Variants in SHROOM4 observed in about 807,000 individuals in gnomAD.
SHROOM4 encodes the protein protein Shroom4.
SHROOM4 carries 17 observed loss-of-function variants against 80.3 expected under a neutral mutation model. The observed-to-expected ratio is 0.21, with a 90% CI of 0.14 to 0.32. SHROOM4 has a LOEUF of 0.32. SHROOM4 is among the 10% of genes least tolerant of loss of function. The pLI is 1.00. For missense variants in SHROOM4, 993 were observed against 1,140.3 expected, an observed-to-expected ratio of 0.87 and a Z score of 1.86; for synonymous variants, 400 against 437.5, an observed-to-expected ratio of 0.91 and a Z score of 1.07.
At chrX:50,661,776 T>TAA in intron 2 of SHROOM4, among the ~76,000 whole-genome samples, 1 of 112,057 alleles carries the variant, frequency 8.9e-6, no homozygotes, top group East Asian at 2.8e-4. Context: ...TTTGGGCATG[T>TAA]TGGATTGTAA....
chrX:50,591,481 G>A lies in SHROOM4; in HGVS notation c.*5214C>T, dbSNP rs1425108833. On this transcript the variant is annotated 3_prime_UTR_variant, in exon 9 of 9. Transcript: ENST00000376020. ...TGGATTGAATCTGTAGATCAATTTGGGGCACATTTCATCTTAACAATACTA... is the reference window on the plus strand; with the variant it reads ...TGGATTGAATCTGTAGATCAATTTGAGGCACATTTCATCTTAACAATACTA... Among the ~76,000 whole-genome samples, 1 of 111,700 alleles carries A rather than the reference G, an allele frequency of 9.0e-6. No homozygotes were observed. The highest frequency in any genetic ancestry group is 1.9e-5 in the Non-Finnish European group (1 of 53,149).
intron 2 of SHROOM4, among the ~76,000 whole-genome samples, chrX:50,645,384 C>T (rs1413888247): frequency 2.7e-5 from 3 of 112,261 alleles, no homozygotes; most frequent in South Asian, 3.7e-4. Flanking sequence ...CCCATGCAAA[C>T]GCTTGCCTGA....
chrX:50,783,065 T>C (rs1219394727), intron 1 of SHROOM4, among the ~76,000 whole-genome samples: 2 of 111,863 alleles, frequency 1.8e-5, no homozygotes, highest in African/African-American at 6.5e-5. Flanking sequence ...TGAGAAGTTA[T>C]ATAACATCCA....
intron 2 of SHROOM4, among the ~76,000 whole-genome samples, chrX:50,693,657 A>G (rs1933284246): frequency 9.2e-6 from 1 of 108,758 alleles, no homozygotes; most frequent in African/African-American, 3.3e-5. Flanking sequence ...TGATACATAC[A>G]TATAATGTGT....
rs1928985329 is a variant in SHROOM4 at position 50,593,904 on chromosome X, G to A, written c.*2791C>T. On this transcript the variant is annotated 3_prime_UTR_variant, in exon 9 of 9. Transcript: ENST00000376020. The stretch of plus-strand genomic sequence containing the variant: ...GTCAGATTCTACTTGGGCATTTACA[G>A]CTATATCCTGGTTGAGTCTCCAGCT... The A allele has an allele frequency of 8.9e-6, 1 of 111,999 alleles. No homozygotes were observed. The highest frequency in any genetic ancestry group is 9.5e-5 in the Admixed American group (1 of 10,568). 9.2% of individuals were successfully genotyped at this position (111,999 alleles called of 1,213,427 possible).
At chrX:50,794,398 G>C (rs1220838766) in intron 1 of SHROOM4, among the ~76,000 whole-genome samples, 1 of 110,815 alleles carries the variant, frequency 9.0e-6, no homozygotes, top group Non-Finnish European at 1.9e-5. Context: ...CACTCGAACA[G>C]AGAGCTTGGC....
chrX:50,642,163 C>A lies in SHROOM4; in HGVS notation c.270-3855G>T, dbSNP rs182973254. On this transcript the variant is annotated intron_variant, in intron 2 of 8. Transcript: ENST00000376020. ...GCCCTAGACTTGAAGTCAGTCTACA[C>A]TTGCATTCAAACTGTAGTTGTGTGG... Among the ~76,000 whole-genome samples the A allele has an allele frequency of 1.7e-3, 191 of 112,632 alleles. 1 individual carries two copies. Among genetic ancestry groups the A allele is most frequent in the Admixed American group, 0.011 (114 of 10,709 alleles).
intron 1 of SHROOM4, among the ~76,000 whole-genome samples, chrX:50,801,307 A>C (rs1306079739): frequency 1.1e-5 from 1 of 90,085 alleles, no homozygotes; most frequent in Non-Finnish European, 2.2e-5. Context: ...TACTGCCAGC[A>C]TGGGGCAAAA....
intron 1 of SHROOM4, among the ~76,000 whole-genome samples, chrX:50,715,746 A>G (rs1415191436): frequency 9.0e-6 from 1 of 110,590 alleles, no homozygotes; most frequent in Non-Finnish European, 1.9e-5. Flanking sequence ...TGAGGCTTGC[A>G]CAGCGGTGGT....
At chrX:50,626,262 C>G (rs915126730) in intron 5 of SHROOM4, among the ~76,000 whole-genome samples, 1 of 111,698 alleles carries the variant, frequency 9.0e-6, no homozygotes, top group African/African-American at 3.3e-5. Flanking sequence ...AGCTACCAAC[C>G]CTCAGTTATT....
intron 1 of SHROOM4, among the ~76,000 whole-genome samples, chrX:50,764,912 C>G (rs1211733510): frequency 8.9e-6 from 1 of 111,817 alleles, no homozygotes; most frequent in African/African-American, 3.3e-5. Flanking sequence ...TGGGGAGGCC[C>G]CACGATCATG....
intron 1 of SHROOM4, among the ~76,000 whole-genome samples, chrX:50,697,815 A>G (rs181056948): frequency 2.8e-3 from 312 of 111,816 alleles, no homozygotes; most frequent in African/African-American, 9.3e-3. Flanking sequence ...AGAGAGAGAA[A>G]AGGAAAGTGC....
At chrX:50,667,434 T>A (rs1379667759) in intron 2 of SHROOM4, among the ~76,000 whole-genome samples, 1 of 111,127 alleles carries the variant, frequency 9.0e-6, no homozygotes, top group African/African-American at 3.3e-5. Flanking sequence ...TTATAAATCT[T>A]AGGATTGGGG....
intron 2 of SHROOM4, among the ~76,000 whole-genome samples, chrX:50,674,347 A>G (rs1450309233): frequency 8.9e-6 from 1 of 111,830 alleles, no homozygotes. Context: ...AGCAGTCAAG[A>G]CTGTATGGTA....
At chrX:50,609,665 ATGTGTGTGTG>A (rs3078713) in intron 5 of SHROOM4, among the ~76,000 whole-genome samples, 1 of 88,247 alleles carries the variant, frequency 1.1e-5, no homozygotes, top group Non-Finnish European at 2.3e-5. Context: ...AGTCATGGAT[ATGTGTGTGTG>A]TGTGTGTGTG....
chrX:50,617,592 T>A (rs1393264807), intron 5 of SHROOM4, among the ~76,000 whole-genome samples: 3 of 108,721 alleles, frequency 2.8e-5, no homozygotes, highest in African/African-American at 1.0e-4. Flanking sequence ...GTGTCTTAAG[T>A]ACTAACTATG....
intron 2 of SHROOM4, among the ~76,000 whole-genome samples, chrX:50,692,070 G>A (rs1366317560): frequency 8.9e-6 from 1 of 111,760 alleles, no homozygotes; most frequent in African/African-American, 3.3e-5. Flanking sequence ...GGCCCTGCTA[G>A]TCCAAGCCCA....
intron 2 of SHROOM4, among the ~76,000 whole-genome samples, chrX:50,693,335 G>A (rs1023630172): frequency 7.2e-5 from 8 of 110,629 alleles, no homozygotes; most frequent in South Asian, 3.9e-4. Context: ...GGGAGGCTGC[G>A]GCAGGGGGAT....
chrX:50,768,702 C>T (rs1557269496), intron 1 of SHROOM4, among the ~76,000 whole-genome samples: 1 of 112,133 alleles, frequency 8.9e-6, no homozygotes, highest in African/African-American at 3.2e-5. Context: ...ATAGTGTATA[C>T]ATTATTAATT....
Sources: allele counts gnomAD v4.1 joint callset (sites outside exome capture counted in the v4.1 genomes callset), GRCh38; gene constraint gnomAD v4.1.1; transcripts MANE v1.5; gene names NCBI Gene and HGNC (gene_info 2026-07-23, HGNC 2026-07-21).